Variants in EPS15 observed in about 807,000 individuals in gnomAD.
EPS15 encodes epidermal growth factor receptor pathway substrate 15, also known as epidermal growth factor receptor substrate 15.
A neutral mutation model predicts 113.8 loss-of-function variants in EPS15; 72 were observed. That is an observed-to-expected ratio of 0.63 (90% confidence interval 0.52 to 0.77). The LOEUF (loss-of-function observed/expected upper bound fraction) is 0.77. Ranked by LOEUF, EPS15 falls within the 30% of genes least tolerant of loss-of-function variation. The pLI, the probability that EPS15 is intolerant of heterozygous loss-of-function variation, is 0.00. For synonymous variants in EPS15, 344 were observed against 363.4 expected (o/e 0.95, Z 0.61); for missense variants, 1,048 against 1,045.8 (o/e 1.00, Z -0.03).
intron 1 of EPS15, among the ~76,000 whole-genome samples, chr1:51,505,755 A>T (rs1047628765): frequency 1.3e-5 from 2 of 151,956 alleles, no homozygotes; most frequent in African/African-American, 4.8e-5. Flanking sequence ...AAAGTCTCTT[A>T]ATAAAAGTAA....
chr1:51,514,550 G>A (rs1644680418), intron 1 of EPS15, among the ~76,000 whole-genome samples: 1 of 152,134 alleles, frequency 6.6e-6, no homozygotes, highest in Admixed American at 6.5e-5. Context: ...TAAAGAACAA[G>A]TAAAATATCT....
intron 2 of EPS15, among the ~76,000 whole-genome samples, chr1:51,475,516 TG>T (rs1270795482): frequency 6.6e-6 from 1 of 152,236 alleles, no homozygotes; most frequent in Non-Finnish European, 1.5e-5. Flanking sequence ...GCCTACTTTT[TG>T]ATGGGGTTGT....
chr1:51,429,977 T>C (rs1038499040), intron 12 of EPS15, among the ~76,000 whole-genome samples: 4 of 151,982 alleles, frequency 2.6e-5, no homozygotes, highest in African/African-American at 7.3e-5. Context: ...ACACAGGAAA[T>C]GGTGAGTCCC....
intron 1 of EPS15, 56 bp downstream of exon 1, chr1:51,519,143 C>T: frequency 7.9e-6 from 10 of 1,272,318 alleles, no homozygotes; most frequent in East Asian, 2.9e-5. Flanking sequence ...AAGCTGAGGG[C>T]GGTGGGGGAG....
intron 1 of EPS15, among the ~76,000 whole-genome samples, chr1:51,485,803 G>A (rs1253045412): frequency 6.6e-6 from 1 of 152,038 alleles, no homozygotes; most frequent in Non-Finnish European, 1.5e-5. Flanking sequence ...GTTCCATCGA[G>A]GGTCTTTTTT....
chr1:51,400,431 C>T (rs1224246068), intron 19 of EPS15, among the ~76,000 whole-genome samples: 4 of 151,994 alleles, frequency 2.6e-5, no homozygotes, highest in African/African-American at 9.7e-5. Context: ...TCGCTCACAC[C>T]TGTCTGTAAT....
chr1:51,491,161 C>G (rs543979910), intron 1 of EPS15, among the ~76,000 whole-genome samples: 1 of 152,236 alleles, frequency 6.6e-6, no homozygotes, highest in East Asian at 1.9e-4. Context: ...TAGTTTTGCT[C>G]TTTAAAAAAT....
intron 1 of EPS15, among the ~76,000 whole-genome samples, chr1:51,494,817 A>G (rs1644298130): frequency 6.6e-6 from 1 of 152,218 alleles, no homozygotes; most frequent in South Asian, 2.1e-4. Context: ...GATGCCAGTC[A>G]TACTGGATCT....
chr1:51,357,391 A>AAAAAAAAAT (rs1491245303), intron 24 of EPS15, among the ~76,000 whole-genome samples: 7 of 65,730 alleles, frequency 1.1e-4, no homozygotes, highest in Admixed American at 7.0e-4. Context: ...AAAAAAAAAA[A>AAAAAAAAAT]ATATATATAT....
intron 2 of EPS15, among the ~76,000 whole-genome samples, chr1:51,474,675 CTTTTT>C (rs1010674732): frequency 4.0e-5 from 6 of 151,618 alleles, no homozygotes; most frequent in Non-Finnish European, 8.8e-5. Flanking sequence ...AAATAGTTTT[CTTTTT>C]TTATTATTAT....
intron 23 of EPS15, among the ~76,000 whole-genome samples, chr1:51,362,738 T>C (rs986564023): frequency 6.6e-6 from 1 of 152,106 alleles, no homozygotes; most frequent in South Asian, 2.1e-4. Context: ...GGAAAGGTTA[T>C]GATGAAAAGG....
chr1:51,387,375 G>T (rs1466457527), intron 21 of EPS15, among the ~76,000 whole-genome samples: 3 of 151,872 alleles, frequency 2.0e-5, no homozygotes, highest in African/African-American at 4.8e-5. Flanking sequence ...ATGCCAAATT[G>T]TAAAGACCAT....
chr1:51,368,859 TC>T (rs1190270974), intron 21 of EPS15, among the ~76,000 whole-genome samples: 1 of 152,160 alleles, frequency 6.6e-6, no homozygotes, highest in Non-Finnish European at 1.5e-5. Context: ...GGCCTAAGCC[TC>T]CCAAAGTGCT....
chr1:51,491,908 C>G (rs1456733184), intron 1 of EPS15, among the ~76,000 whole-genome samples: 1 of 147,660 alleles, frequency 6.8e-6, no homozygotes, highest in Non-Finnish European at 1.5e-5. Context: ...AGTCTGTTGC[C>G]CAGGCTGGAG....
intron 2 of EPS15, 126 bp downstream of exon 2, chr1:51,481,147 A>T: frequency 2.9e-6 from 2 of 683,264 alleles, no homozygotes; most frequent in East Asian, 5.4e-5. Flanking sequence ...TGGAGGCTGT[A>T]AACAAGATGT....
At chr1:51,404,012 T>C (rs1648845246) in intron 16 of EPS15, among the ~76,000 whole-genome samples, 1 of 152,216 alleles carries the variant, frequency 6.6e-6, no homozygotes, top group Non-Finnish European at 1.5e-5. Context: ...TGGCTTCCCA[T>C]TGTCTTCTTC....
chr1:51,422,078 GT>G, intron 12 of EPS15: 1 of 1,202,994 alleles, frequency 8.3e-7, no homozygotes, highest in Non-Finnish European at 1.1e-6. Flanking sequence ...CTAAAATGTG[GT>G]GAAAAGAGGA....
At chr1:51,383,547 A>G (rs1040673915) in intron 21 of EPS15, among the ~76,000 whole-genome samples, 3 of 152,176 alleles carry the variant, frequency 2.0e-5, no homozygotes, top group African/African-American at 7.2e-5. Flanking sequence ...GCAGTTCACA[A>G]TAAGGTTCAA....
chr1:51,501,999 C>G (rs1267173538), intron 1 of EPS15, among the ~76,000 whole-genome samples: 1 of 152,174 alleles, frequency 6.6e-6, no homozygotes, highest in Non-Finnish European at 1.5e-5. Context: ...AGTGAGGTGG[C>G]TCATGCCTAT....
Sources: allele counts gnomAD v4.1 joint callset (sites outside exome capture counted in the v4.1 genomes callset), GRCh38; gene constraint gnomAD v4.1.1; transcripts MANE v1.5; gene names NCBI Gene and HGNC (gene_info 2026-07-23, HGNC 2026-07-21).